Variants in AAMDC observed in about 807,000 individuals in gnomAD.
AAMDC encodes adipogenesis associated Mth938 domain containing.
Under a neutral mutation model 15.5 loss-of-function variants are expected in AAMDC, and 16 were observed. That is an observed-to-expected ratio of 1.03 (90% CI 0.70 to 1.57). The LOEUF (loss-of-function observed/expected upper bound fraction) is 1.57. AAMDC is among the 40% of genes most tolerant of loss of function. The pLI is 0.00. For synonymous variants in AAMDC, 51 were observed against 51.6 expected (o/e 0.99, Z 0.05); for missense variants, 141 against 144.9 (o/e 0.97, Z 0.14).
intron 1 of AAMDC, among the ~76,000 whole-genome samples, chr11:77,825,512 G>A (rs1346281332): frequency 6.6e-6 from 1 of 152,058 alleles, no homozygotes; most frequent in African/African-American, 2.4e-5. Context: ...AACAGAAATA[G>A]GAATCTCTAC....
intron 1 of AAMDC, among the ~76,000 whole-genome samples, chr11:77,823,621 CAAA>C (rs397970373): frequency 6.1e-5 from 6 of 97,656 alleles, no homozygotes; most frequent in African/African-American, 4.1e-5. Context: ...CACCCTGTCT[CAAA>C]AAAAAAAAAA....
rs779283881 is a variant in AAMDC at position 77,872,226 on chromosome 11, G to A, written c.280G>A (p.Val94Ile). 1.2e-6 allele frequency: 2 copies of A among 1,613,800 alleles called. No homozygotes were observed. Among genetic ancestry groups the A allele is most frequent in the Non-Finnish European group, 1.7e-6 (2 of 1,179,900 alleles). ...YLKKHGIDVR[V>I]LQTEQAVKEY... ...CAAGAAACATGGCATTGATGTGCGG[G>A]TCCTCCAGACAGAGCAGGCAGTGAA... is the stretch of plus-strand genomic sequence containing the variant. Residue 94 changes from valine (V) to isoleucine (I), a missense_variant, in exon 4 of 4, where the codon GTC (valine) becomes ATC (isoleucine). By Grantham distance (29) the Val-to-Ile change is conservative. Coordinates refer to ENST00000393427, the MANE Select transcript of AAMDC (RefSeq NM_024684.4).
At chr11:77,863,760 C>T (rs1950987385) in intron 2 of AAMDC, among the ~76,000 whole-genome samples, 1 of 152,070 alleles carries the variant, frequency 6.6e-6, no homozygotes, top group Non-Finnish European at 1.5e-5. Flanking sequence ...AGCGACCCTC[C>T]TGCCTCAGCC....
chr11:77,883,003 C>G (rs1211825859), intron 5 of AAMDC, among the ~76,000 whole-genome samples: 1 of 152,032 alleles, frequency 6.6e-6, no homozygotes, highest in Non-Finnish European at 1.5e-5. Flanking sequence ...ACCCAGGAGG[C>G]AGACAGAGGT....
At chr11:77,841,616 A>T (rs187138273) in intron 1 of AAMDC, among the ~76,000 whole-genome samples, 42 of 152,216 alleles carry the variant, frequency 2.8e-4, no homozygotes, top group African/African-American at 8.9e-4. Flanking sequence ...TCCACTGTGT[A>T]TGTGCTGAGG....
chr11:77,826,343 C>CA, intron 1 of AAMDC, among the ~76,000 whole-genome samples: 1 of 150,674 alleles, frequency 6.6e-6, no homozygotes, highest in South Asian at 2.1e-4. Context: ...GCCTGGGTGA[C>CA]AGAGTGAGAC....
At chr11:77,846,020 A>T (rs1453170384) in intron 2 of AAMDC, among the ~76,000 whole-genome samples, 10 of 147,208 alleles carry the variant, frequency 6.8e-5, no homozygotes, top group Non-Finnish European at 1.3e-4. Flanking sequence ...TTTTTTTTTG[A>T]GAACTGGACA....
rs537781724 is a variant in AAMDC at position 77,896,296 on chromosome 11, G to A, written c.329-4275G>A. Among the ~76,000 whole-genome samples the A allele has an allele frequency of 1.8e-4, 28 of 152,198 alleles. No homozygotes were observed. The East Asian group carries it at 3.9e-3, about 21-fold the overall frequency. Reference sequence around the variant, plus strand: ...ACATAATAATGAAATCAAACTCAACGGTTCAGAACAGTGGAATCAACAACA... The same window carrying A: ...ACATAATAATGAAATCAAACTCAACAGTTCAGAACAGTGGAATCAACAACA... On this transcript the variant is annotated intron_variant, in intron 5 of 5. Coordinates refer to the AAMDC transcript ENST00000304716.
chr11:77,884,728 G>T, intron 5 of AAMDC: 1 of 334,974 alleles, frequency 3.0e-6, no homozygotes. Context: ...CAGGTCATGG[G>T]GCCTCCCCCT....
intron 5 of AAMDC, among the ~76,000 whole-genome samples, chr11:77,900,313 A>C (rs912193920): frequency 1.3e-5 from 2 of 152,144 alleles, no homozygotes; most frequent in South Asian, 2.1e-4. Flanking sequence ...GTTAGCCAGG[A>C]TGCTCTTGAT....
rs1178122092 is a variant in AAMDC at position 77,886,543 on chromosome 11, C to G, written c.328+9494C>G. ...AAACGGCGGGAGTAACTATGACTCT[C>G]TTAAGGTAGCCAAATGCCTTGTCAT... On this transcript the variant is annotated intron_variant, in intron 5 of 5. Coordinates refer to the AAMDC transcript ENST00000304716. Among the ~76,000 whole-genome samples the G allele has an allele frequency of 2.6e-5, 4 of 152,196 alleles. No homozygotes were observed. The East Asian group carries it at 5.8e-4, about 22-fold the overall frequency.
At chr11:77,905,597 A>T (rs1952925421), downstream of AAMDC, among the ~76,000 whole-genome samples, 1 of 152,256 alleles carries the variant, frequency 6.6e-6, no homozygotes, top group African/African-American at 2.4e-5. Flanking sequence ...CAAAATGTTG[A>T]AACTTCCTCG....
chr11:77,868,873 C>A (rs1407458544), intron 2 of AAMDC: 1 of 192,944 alleles, frequency 5.2e-6, no homozygotes, highest in Non-Finnish European at 1.1e-5. Context: ...TTCCTTCACA[C>A]ATTTCAGGAA....
chr11:77,845,212 G>T (rs571136036), intron 2 of AAMDC, among the ~76,000 whole-genome samples: 1 of 152,068 alleles, frequency 6.6e-6, no homozygotes, highest in East Asian at 1.9e-4. Flanking sequence ...CCCTTTTCTT[G>T]TGACTCTCAT....
At chr11:77,874,529 T>G (rs1030636057), downstream of AAMDC, among the ~76,000 whole-genome samples, 7 of 152,182 alleles carry the variant, frequency 4.6e-5, no homozygotes, top group Non-Finnish European at 8.8e-5. Context: ...GTGACATTAT[T>G]AAACTTTTAA....
intron 5 of AAMDC, among the ~76,000 whole-genome samples, chr11:77,893,581 A>G (rs1199557478): frequency 1.3e-5 from 2 of 152,184 alleles, no homozygotes; most frequent in Non-Finnish European, 2.9e-5. Flanking sequence ...TGACAGAGTG[A>G]GACCCTGTCT....
At chr11:77,886,901 G>A (rs565573860) in intron 5 of AAMDC, among the ~76,000 whole-genome samples, 2 of 152,096 alleles carry the variant, frequency 1.3e-5, no homozygotes, top group South Asian at 2.1e-4. Context: ...TGAAACCAAC[G>A]AGAACAAAGA....
At chr11:77,849,677 C>G (rs1439294950) in intron 2 of AAMDC, among the ~76,000 whole-genome samples, 1 of 151,940 alleles carries the variant, frequency 6.6e-6, no homozygotes, top group African/African-American at 2.4e-5. Context: ...CCAAGTTATC[C>G]TTTCACTCTC....
chr11:77,884,803 G>A, intron 5 of AAMDC: 1 of 404,910 alleles, frequency 2.5e-6, no homozygotes, highest in South Asian at 1.8e-5. Flanking sequence ...CACCCAGGCT[G>A]GAGTGCAGTG....
Sources: allele counts gnomAD v4.1 joint callset (sites outside exome capture counted in the v4.1 genomes callset), GRCh38; gene constraint gnomAD v4.1.1; transcripts MANE v1.5; gene names NCBI Gene and HGNC (gene_info 2026-07-23, HGNC 2026-07-21).